MYMX: variants seen among roughly 807,000 people sequenced by gnomAD.
The protein encoded by MYMX is protein myomixer.
At chr6:44,201,891 G>A in the MYMX span, among the ~76,000 whole-genome samples, 1 of 152,174 alleles carries the variant, frequency 6.6e-6, no homozygotes, top group Non-Finnish European at 1.5e-5. Flanking sequence ...GCCTGCTCTG[G>A]CATCCAGAGG....
the MYMX span, among the ~76,000 whole-genome samples, chr6:44,204,550 C>G: frequency 6.6e-6 from 1 of 152,096 alleles, no homozygotes; most frequent in Non-Finnish European, 1.5e-5. Context: ...AAAAGCTGTT[C>G]TTTTATAAAG....
the MYMX span, among the ~76,000 whole-genome samples, chr6:44,200,532 C>T: frequency 6.6e-6 from 1 of 152,254 alleles, no homozygotes; most frequent in South Asian, 2.1e-4. Flanking sequence ...TCAGGCTGGT[C>T]TCAAATTCCT....
the MYMX span, among the ~76,000 whole-genome samples, chr6:44,211,049 A>T: frequency 6.6e-6 from 1 of 152,220 alleles, no homozygotes; most frequent in Admixed American, 6.5e-5. Context: ...CAGGAGTTTG[A>T]GGTTGCAGTG....
intron 1 of MYMX, among the ~76,000 whole-genome samples, chr6:44,217,246 C>G (rs1775928606): frequency 6.6e-6 from 1 of 152,052 alleles, no homozygotes; most frequent in Admixed American, 6.6e-5. Context: ...TTCAGTCTCC[C>G]CATCTGTGCT....
At chr6:44,212,957 G>A (rs903289331), upstream of MYMX, among the ~76,000 whole-genome samples, 6 of 151,940 alleles carry the variant, frequency 3.9e-5, no homozygotes, top group African/African-American at 1.2e-4. Context: ...GGGCCCAGAA[G>A]GTCGAGGCTG....
chr6:44,205,491 T>C, the MYMX span, among the ~76,000 whole-genome samples: 2 of 150,942 alleles, frequency 1.3e-5, no homozygotes, highest in African/African-American at 5.0e-5. Context: ...AAACCCTATC[T>C]CTACCAAATA....
At chr6:44,206,094 C>G in the MYMX span, among the ~76,000 whole-genome samples, 40 of 151,644 alleles carry the variant, frequency 2.6e-4, no homozygotes, top group African/African-American at 9.2e-4. Flanking sequence ...CTGCTAGCTC[C>G]AGTACTGCCA....
upstream of MYMX, among the ~76,000 whole-genome samples, chr6:44,214,196 G>A (rs546525546): frequency 2.6e-5 from 4 of 152,310 alleles, no homozygotes; most frequent in South Asian, 8.3e-4. Flanking sequence ...CATCAGTTAG[G>A]TGGATACTTC....
upstream of MYMX, among the ~76,000 whole-genome samples, chr6:44,214,874 G>C (rs1340116660): frequency 2.0e-5 from 3 of 152,198 alleles, no homozygotes; most frequent in Non-Finnish European, 4.4e-5. Flanking sequence ...TGTCTGGCTA[G>C]TGGTGAGAAC....
the MYMX span, among the ~76,000 whole-genome samples, chr6:44,198,075 T>C: frequency 6.6e-6 from 1 of 151,224 alleles, no homozygotes; most frequent in African/African-American, 2.4e-5. Context: ...TATACTATTC[T>C]CATAATTTAA....
At chr6:44,211,788 T>TTTTTTTTGTGTGTGTGTGTG in the MYMX span, among the ~76,000 whole-genome samples, 1 of 126,382 alleles carries the variant, frequency 7.9e-6, no homozygotes, top group African/African-American at 3.1e-5. Context: ...CAGCTAGGTT[T>TTTTTTTTGTGTGTGTGTGTG]TGTGTGTGTG....
the MYMX span, among the ~76,000 whole-genome samples, chr6:44,200,595 G>A: frequency 1.7e-4 from 26 of 152,140 alleles, no homozygotes; most frequent in African/African-American, 4.3e-4. Context: ...GATTACAGGC[G>A]TGAGCCATCG....
In MYMX at chr6:44,218,053, A is replaced by G; in HGVS notation, c.*327A>G. 4.3e-6 allele frequency: 1 copy of G among 230,724 alleles called. No individual in the cohort carries two copies. The highest frequency in any genetic ancestry group is 8.4e-6 in the Non-Finnish European group (1 of 119,602). 14.3% of individuals were successfully genotyped at this position (230,724 alleles called of 1,614,324 possible). ...GCCCTCCCTGCAAATGGGAACATCA[A>G]GGTTCCCAGTGCTTAACTGAGGGAC... On this transcript the variant is annotated 3_prime_UTR_variant, in exon 2 of 2. Transcript: ENST00000573382.
chr6:44,196,326 A>G, the MYMX span, among the ~76,000 whole-genome samples: 3 of 152,224 alleles, frequency 2.0e-5, no homozygotes, highest in Non-Finnish European at 2.9e-5. Context: ...AATAATAAAC[A>G]TGCAATTCCA....
At chr6:44,202,263 A>G in the MYMX span, among the ~76,000 whole-genome samples, 1 of 151,966 alleles carries the variant, frequency 6.6e-6, no homozygotes, top group East Asian at 1.9e-4. Context: ...CACACAATGT[A>G]TGTTGTCATG....
chr6:44,216,713 A>G (rs1294186915), upstream of MYMX, among the ~76,000 whole-genome samples: 1 of 151,310 alleles, frequency 6.6e-6, no homozygotes, highest in Non-Finnish European at 1.5e-5. Context: ...CTGGGTTCCA[A>G]CTCGAGGGAA....
At chr6:44,213,568 C>T (rs1249986310), upstream of MYMX, among the ~76,000 whole-genome samples, 10 of 150,666 alleles carry the variant, frequency 6.6e-5, no homozygotes, top group East Asian at 1.0e-3. Context: ...ATTACAGGCA[C>T]GTGCCACCAC....
At chr6:44,202,899 C>G in the MYMX span, among the ~76,000 whole-genome samples, 1 of 152,250 alleles carries the variant, frequency 6.6e-6, no homozygotes, top group Non-Finnish European at 1.5e-5. Context: ...CTCATCATCC[C>G]AGGCCCAGGA....
the MYMX span, among the ~76,000 whole-genome samples, chr6:44,200,378 G>T: frequency 6.6e-6 from 1 of 151,862 alleles, no homozygotes; most frequent in South Asian, 2.1e-4. Context: ...GCAGTGGCAC[G>T]ATCTGGGCTC....
Sources: allele counts gnomAD v4.1 joint callset (sites outside exome capture counted in the v4.1 genomes callset), GRCh38; gene constraint gnomAD v4.1.1; transcripts MANE v1.5; gene names NCBI Gene and HGNC (gene_info 2026-07-23, HGNC 2026-07-21).